AGAP1: variants seen among roughly 807,000 people sequenced by gnomAD.
AGAP1 encodes ArfGAP with GTPase domain, ankyrin repeat and PH domain 1.
AGAP1 carries 29 observed loss-of-function variants against 105.3 expected under a neutral mutation model. That is an observed-to-expected ratio of 0.28 (90% CI 0.21 to 0.38). The LOEUF is 0.38. AGAP1 is among the 10% of genes least tolerant of loss of function. The pLI, the probability that AGAP1 is intolerant of heterozygous loss-of-function variation, is 1.00. For missense variants in AGAP1, 998 were observed against 1,165.1 expected, an observed-to-expected ratio of 0.86 and a Z score of 2.09; for synonymous variants, 509 against 485.9, an observed-to-expected ratio of 1.05 and a Z score of -0.63.
In AGAP1 at chr2:235,976,748, C is replaced by T. The variant is rs2125387471; in HGVS notation, c.1645+8125C>T. Among the ~76,000 whole-genome samples, 1 of 152,254 alleles carries T rather than the reference C, an allele frequency of 6.6e-6. No individual in the cohort carries two copies. Among genetic ancestry groups the T allele is most frequent in the East Asian group, 1.9e-4 (1 of 5,158 alleles). On this transcript the variant is annotated intron_variant, in intron 13 of 17. Transcript: ENST00000304032. This position sits in a 1 kb window ranked among gnomAD's most constrained non-coding sequence, Gnocchi z 4.5. ...TTGGTTATGCAGGAGCACAGGGCAC[C>T]CCCAGCTGCCTGGAGGACCTCAGGG...
intron 1 of AGAP1, among the ~76,000 whole-genome samples, chr2:235,543,156 G>A (rs989610122): frequency 6.9e-6 from 1 of 145,818 alleles, no homozygotes; most frequent in Non-Finnish European, 1.5e-5. Flanking sequence ...TGGGTGTTGG[G>A]TGTTGAGTAG....
At position 235,877,122 on chromosome 2, in the gene AGAP1, G is replaced by C. The variant is rs2049785121; in HGVS notation, c.1051-6223G>C. Among the ~76,000 whole-genome samples the C allele has an allele frequency of 6.6e-6, 1 of 152,020 alleles. No individual in the cohort carries two copies. The highest frequency in any genetic ancestry group is 2.4e-5 in the African/African-American group (1 of 41,374). ...GGCCTCCCAAAGTGCTGGAATTACA[G>C]GCATGAGCCACCACGCCCTGCCAGA... On this transcript the variant is annotated intron_variant, in intron 9 of 17. Coordinates refer to ENST00000304032, the MANE Select transcript of AGAP1 (RefSeq NM_001037131.3). The surrounding 1 kb of genome is among the most constrained non-coding windows in gnomAD (Gnocchi z 4.3).
intron 16 of AGAP1, among the ~76,000 whole-genome samples, chr2:236,054,865 C>T (rs964051515): frequency 2.6e-5 from 4 of 152,204 alleles, no homozygotes; most frequent in Admixed American, 1.3e-4. Context: ...CCGCCACTGC[C>T]GGGCCCGGGC....
intron 9 of AGAP1, among the ~76,000 whole-genome samples, chr2:235,868,675 C>G (rs2049299112): frequency 6.6e-6 from 1 of 152,194 alleles, no homozygotes; most frequent in African/African-American, 2.4e-5. Context: ...TAAATAATTG[C>G]TATCGAGCAG....
At chr2:236,110,186 C>T (rs1265618697) in intron 16 of AGAP1, among the ~76,000 whole-genome samples, 1 of 152,076 alleles carries the variant, frequency 6.6e-6, no homozygotes, top group African/African-American at 2.4e-5. Flanking sequence ...AGAATTAAAC[C>T]AGGTAATTGT....
In AGAP1 at chr2:235,817,071, G is replaced by T. The variant is rs886400904; in HGVS notation, c.1050+9740G>T. 9.2e-5 allele frequency among the ~76,000 whole-genome samples: 14 copies of T among 152,290 alleles called. No individual in the cohort carries two copies. The South Asian group carries it at 2.9e-3, about 32-fold the overall frequency. ...TGAGTTTTGTCCTTTGTGAATAGAG[G>T]CTTTGACAACCAAACAAGCACCTCT... On this transcript the variant is annotated intron_variant, in intron 9 of 17. Transcript: ENST00000304032.
At chr2:236,081,868 C>T (rs1207463030) in intron 16 of AGAP1, among the ~76,000 whole-genome samples, 8 of 152,046 alleles carry the variant, frequency 5.3e-5, no homozygotes, top group African/African-American at 1.9e-4. Flanking sequence ...GGGATGAAAG[C>T]GGTCCCCTCC....
chr2:235,856,448 G>C (rs2048688972), intron 9 of AGAP1, among the ~76,000 whole-genome samples: 1 of 152,224 alleles, frequency 6.6e-6, no homozygotes, highest in Non-Finnish European at 1.5e-5. Flanking sequence ...GGTTGGGGCT[G>C]CCATCAGGAT....
rs1200755953 is a variant in AGAP1, at chr2:236,119,017, C to A, written c.2115-1175C>A. ...TTGGTTTCCTCTTCTATTTGTTAAG[C>A]TTCTCATCTCATCCTGTCCTCTCCT... is the stretch of plus-strand genomic sequence containing the variant. On this transcript the variant is annotated intron_variant, in intron 16 of 17. Transcript: ENST00000304032. The surrounding 1 kb of genome is among the most constrained non-coding windows in gnomAD (Gnocchi z 6.6). Among the ~76,000 whole-genome samples, 1 of 152,134 alleles carries A rather than the reference C, an allele frequency of 6.6e-6. No homozygotes were observed. The highest frequency in any genetic ancestry group is 1.5e-5 in the Non-Finnish European group (1 of 68,032).
At chr2:236,034,186 C>T (rs2057309685) in intron 13 of AGAP1, among the ~76,000 whole-genome samples, 1 of 152,106 alleles carries the variant, frequency 6.6e-6, no homozygotes. Flanking sequence ...ACTTAAAAGC[C>T]CATGGATCAA....
chr2:235,975,613 G>T (rs1419534120), intron 13 of AGAP1, among the ~76,000 whole-genome samples: 1 of 152,180 alleles, frequency 6.6e-6, no homozygotes, highest in African/African-American at 2.4e-5. Flanking sequence ...GACTGGCAAG[G>T]AGTCAGGGCC....
chr2:235,717,663 A>G lies in AGAP1; in HGVS notation c.310+19A>G, dbSNP rs1951186800. The G allele has an allele frequency of 6.3e-7, 1 of 1,587,672 alleles. No homozygotes were observed. Among genetic ancestry groups the G allele is most frequent in the Non-Finnish European group, 8.5e-7 (1 of 1,169,972 alleles). On this transcript the variant is annotated intron_variant, in intron 3 of 17. Coordinates refer to ENST00000304032, the MANE Select transcript of AGAP1 (RefSeq NM_001037131.3). Reference sequence around the variant, plus strand: ...CCGGAAGGTATGCTGTTTGGCAGGCAGTTGCAAACTTAAGAATGTAGTTTT... The same window carrying G: ...CCGGAAGGTATGCTGTTTGGCAGGCGGTTGCAAACTTAAGAATGTAGTTTT...
At position 236,120,620 on chromosome 2, in the gene AGAP1, C is replaced by T. The variant is rs1341912084; in HGVS notation, c.2370+173C>T. Among the ~76,000 whole-genome samples, 1 of 152,196 alleles carries T rather than the reference C, an allele frequency of 6.6e-6. No individual in the cohort carries two copies. The highest frequency in any genetic ancestry group is 1.5e-5 in the Non-Finnish European group (1 of 68,044). On this transcript the variant is annotated intron_variant, in intron 17 of 17. Coordinates refer to ENST00000304032, the MANE Select transcript of AGAP1 (RefSeq NM_001037131.3). This position sits in a 1 kb window ranked among gnomAD's most constrained non-coding sequence, Gnocchi z 6.0. Reference sequence around the variant, plus strand: ...GCAGAGGGCCTTACGGAGAGACAGCCGGTCCTCCTTGTACAGTACTTGCTA... The same window carrying T: ...GCAGAGGGCCTTACGGAGAGACAGCTGGTCCTCCTTGTACAGTACTTGCTA...
intron 12 of AGAP1, 35 bp from the exon 13 acceptor site, chr2:235,968,422 ATTTTT>A: frequency 5.6e-5 from 81 of 1,450,986 alleles, no homozygotes; most frequent in Admixed American, 2.1e-4. Flanking sequence ...CTCACTCTGC[ATTTTT>A]TTTTTTTTTT....
In AGAP1 at chr2:235,888,813, C is replaced by T. The variant is rs1481427114; in HGVS notation, c.1155+5364C>T. Reference sequence around the variant, plus strand: ...CTGTGGCCACTTCAGCTCCTGCGTGCTCCCAGCAGTGCCAGCATCCTCATA... The same window carrying T: ...CTGTGGCCACTTCAGCTCCTGCGTGTTCCCAGCAGTGCCAGCATCCTCATA... On this transcript the variant is annotated intron_variant, in intron 10 of 17. Transcript: ENST00000304032. The surrounding 1 kb of genome is among the most constrained non-coding windows in gnomAD (Gnocchi z 4.8). Among the ~76,000 whole-genome samples the T allele has an allele frequency of 6.6e-6, 1 of 152,162 alleles. No homozygotes were observed. The highest frequency in any genetic ancestry group is 1.5e-5 in the Non-Finnish European group (1 of 68,028).
chr2:235,617,074 C>T (rs1946331114), intron 1 of AGAP1, among the ~76,000 whole-genome samples: 2 of 151,806 alleles, frequency 1.3e-5, no homozygotes, highest in South Asian at 4.1e-4. Flanking sequence ...GAAACATTTG[C>T]TTTCACTTTT....
intron 13 of AGAP1, among the ~76,000 whole-genome samples, chr2:235,980,511 A>G (rs2055046633): frequency 6.6e-6 from 1 of 152,142 alleles, no homozygotes; most frequent in African/African-American, 2.4e-5. Flanking sequence ...AATATTTAAG[A>G]TATCTCACCG....
rs186653510 is a variant in AGAP1 at position 235,888,266 on chromosome 2, G to C, written c.1155+4817G>C. On this transcript the variant is annotated intron_variant, in intron 10 of 17. Coordinates refer to ENST00000304032, the MANE Select transcript of AGAP1 (RefSeq NM_001037131.3). The surrounding 1 kb of genome is among the most constrained non-coding windows in gnomAD (Gnocchi z 4.8). ...TTGTTCTTTAGGATCAAACCGAGAA[G>C]GTGGAATCGAGGGTCTTTACCACCC... is the stretch of plus-strand genomic sequence containing the variant. Among the ~76,000 whole-genome samples, 243 of 152,238 alleles carry C rather than the reference G, an allele frequency of 1.6e-3. 2 individuals carry two copies. The highest frequency in any genetic ancestry group is 3.0e-3 in the Non-Finnish European group (202 of 68,026).
chr2:235,813,453 G>A lies in AGAP1; in HGVS notation c.1050+6122G>A, dbSNP rs114731071. On this transcript the variant is annotated intron_variant, in intron 9 of 17. Coordinates refer to ENST00000304032, the MANE Select transcript of AGAP1 (RefSeq NM_001037131.3). ...CGTTTTAAGACTCAGTGTGTCCTCT[G>A]TGTATCCATTGTCCAGAGCTGGTGA... is the stretch of plus-strand genomic sequence containing the variant. Among the ~76,000 whole-genome samples the A allele has an allele frequency of 5.2e-3, 787 of 152,354 alleles. 7 individuals are homozygous for A. The highest frequency in any genetic ancestry group is 0.018 in the African/African-American group (739 of 41,580).
Sources: allele counts gnomAD v4.1 joint callset (sites outside exome capture counted in the v4.1 genomes callset), GRCh38; gene constraint gnomAD v4.1.1; non-coding constraint Gnocchi (gnomAD v3.1); transcripts MANE v1.5; gene names NCBI Gene and HGNC (gene_info 2026-07-23, HGNC 2026-07-21).